The following ASTN2 variants were observed in gnomAD, a reference collection of about 807,000 sequenced individuals.
ASTN2 encodes astrotactin-2.
A neutral mutation model predicts 139.8 loss-of-function variants in ASTN2; 54 were observed. The observed-to-expected ratio is 0.39, with a 90% CI of 0.31 to 0.48. The LOEUF is 0.48. Among genes scored for constraint, ASTN2 ranks in the 20% least tolerant of loss-of-function variants. The pLI is 0.95. For missense variants in ASTN2, 1,565 were observed against 1,725.1 expected (o/e 0.91, Z 1.64); for synonymous variants, 756 against 719.5 (o/e 1.05, Z -0.81).
chr9:117,239,706 C>T (rs1334813210), intron 2 of ASTN2, among the ~76,000 whole-genome samples: 2 of 152,158 alleles, frequency 1.3e-5, no homozygotes, highest in Non-Finnish European at 2.9e-5. Context: ...AGTTAAACTT[C>T]CTGCTTAAAT....
intron 2 of ASTN2, among the ~76,000 whole-genome samples, chr9:117,276,025 C>T (rs754759323): frequency 6.6e-6 from 1 of 152,124 alleles, no homozygotes; most frequent in Non-Finnish European, 1.5e-5. Flanking sequence ...ACTGAAAACA[C>T]CTGCTTAATA....
intron 19 of ASTN2, among the ~76,000 whole-genome samples, chr9:116,549,627 T>C (rs1041764476): frequency 6.6e-6 from 1 of 152,182 alleles, no homozygotes; most frequent in South Asian, 2.1e-4. Context: ...CTGCAACCTT[T>C]ATGAAACGAT....
intron 10 of ASTN2, among the ~76,000 whole-genome samples, chr9:116,926,996 T>C (rs1158425137): frequency 6.6e-6 from 1 of 152,198 alleles, no homozygotes; most frequent in Admixed American, 6.5e-5. Context: ...CTGAGAACAA[T>C]GAATCGTGGT....
chr9:116,467,319 T>C (rs796664893), intron 20 of ASTN2, among the ~76,000 whole-genome samples: 6 of 152,104 alleles, frequency 3.9e-5, no homozygotes, highest in African/African-American at 1.4e-4. Context: ...CAGGCTGGAG[T>C]GCAGTGGTGC....
chr9:116,843,665 A>G (rs1832340100), intron 11 of ASTN2, among the ~76,000 whole-genome samples: 1 of 152,014 alleles, frequency 6.6e-6, no homozygotes, highest in South Asian at 2.1e-4. Flanking sequence ...GTCTCAAAAA[A>G]AAAAAAAAAA....
chr9:117,021,812 T>G (rs1346335678), intron 6 of ASTN2, among the ~76,000 whole-genome samples: 1 of 152,160 alleles, frequency 6.6e-6, no homozygotes, highest in Non-Finnish European at 1.5e-5. Flanking sequence ...ACTTTTAGTA[T>G]AAACGAGGTA....
At chr9:117,204,784 T>TA (rs1831859878) in intron 3 of ASTN2, among the ~76,000 whole-genome samples, 1 of 151,932 alleles carries the variant, frequency 6.6e-6, no homozygotes, top group East Asian at 1.9e-4. Flanking sequence ...AAAAAGAAAA[T>TA]AAAAGCATTT....
intron 20 of ASTN2, among the ~76,000 whole-genome samples, chr9:116,468,677 T>C (rs1337978723): frequency 6.6e-6 from 1 of 152,198 alleles, no homozygotes; most frequent in African/African-American, 2.4e-5. Flanking sequence ...GTGATCTTCC[T>C]AAAGAGCAAA....
At chr9:117,387,039 C>T (rs115255479) in intron 1 of ASTN2, among the ~76,000 whole-genome samples, 102 of 152,242 alleles carry the variant, frequency 6.7e-4, no homozygotes, top group African/African-American at 2.4e-3. Flanking sequence ...CAGTCTACAC[C>T]CTGTTGATCT....
chr9:117,044,798 G>T lies in ASTN2; in HGVS notation c.1277-4833C>A, dbSNP rs181208129. ...TGAGGCACACTGGTCTGGGCATGGGGAAAATAATACTAAACAAAACAGCGA... is the reference window on the plus strand; with the variant it reads ...TGAGGCACACTGGTCTGGGCATGGGTAAAATAATACTAAACAAAACAGCGA... On this transcript the variant is annotated intron_variant, in intron 5 of 22. Coordinates refer to ENST00000313400, the MANE Select transcript of ASTN2 (RefSeq NM_001365068.1). 9.4e-4 allele frequency among the ~76,000 whole-genome samples: 143 copies of T among 152,286 alleles called. 2 individuals are homozygous for T. The highest frequency in any genetic ancestry group is 9.3e-3 in the Admixed American group (143 of 15,296).
At chr9:117,018,536 A>C (rs1319476335) in intron 6 of ASTN2, among the ~76,000 whole-genome samples, 2 of 152,112 alleles carry the variant, frequency 1.3e-5, no homozygotes, top group Non-Finnish European at 2.9e-5. Flanking sequence ...TATGTTTGTA[A>C]GTGTTCCTTT....
chr9:116,719,193 G>A (rs912695437), intron 16 of ASTN2, among the ~76,000 whole-genome samples: 2 of 151,444 alleles, frequency 1.3e-5, no homozygotes, highest in Non-Finnish European at 1.5e-5. Context: ...GCAACAGTGA[G>A]GAAGAAAAAA....
intron 20 of ASTN2, among the ~76,000 whole-genome samples, chr9:116,446,079 G>T (rs990602364): frequency 5.9e-5 from 9 of 151,990 alleles, no homozygotes; most frequent in African/African-American, 2.2e-4. Context: ...AGAGAAAGTG[G>T]CAGTCCCTGA....
chr9:116,439,168 T>G (rs78041347), intron 22 of ASTN2, among the ~76,000 whole-genome samples: 1 of 150,678 alleles, frequency 6.6e-6, no homozygotes, highest in Non-Finnish European at 1.5e-5. Flanking sequence ...CTTTACAAGA[T>G]GATGTTGTGT....
intron 13 of ASTN2, among the ~76,000 whole-genome samples, chr9:116,766,432 T>G (rs1432585098): frequency 6.6e-6 from 1 of 151,330 alleles, no homozygotes; most frequent in Non-Finnish European, 1.5e-5. Context: ...ACATTCACAC[T>G]CACACATAAA....
intron 7 of ASTN2, among the ~76,000 whole-genome samples, chr9:116,980,043 A>T (rs1836463987): frequency 6.6e-6 from 1 of 152,176 alleles, no homozygotes; most frequent in South Asian, 2.1e-4. Context: ...TTCACCCTGG[A>T]GACCCCCATG....
rs141501450 is a variant in ASTN2 at position 117,211,062 on chromosome 9, C to T, written c.1015+3296G>A. 2.0e-3 allele frequency among the ~76,000 whole-genome samples: 299 copies of T among 149,732 alleles called. 2 individuals are homozygous for T. Among genetic ancestry groups the T allele is most frequent in the Non-Finnish European group, 2.9e-3 (195 of 67,560 alleles). On this transcript the variant is annotated intron_variant, in intron 3 of 22. Transcript: ENST00000313400. Reference sequence around the variant, plus strand: ...ATAAATTAGTCACAGAAAGAAAATACCTCAACATAATAAAGGCCATATATG... The same window carrying T: ...ATAAATTAGTCACAGAAAGAAAATATCTCAACATAATAAAGGCCATATATG...
At chr9:117,413,670 A>G (rs1831236891) in intron 1 of ASTN2, among the ~76,000 whole-genome samples, 1 of 152,084 alleles carries the variant, frequency 6.6e-6, no homozygotes, top group African/African-American at 2.4e-5. Context: ...AACTTTTCTG[A>G]TTAACTTTTC....
intron 10 of ASTN2, among the ~76,000 whole-genome samples, chr9:116,873,832 T>A (rs561769211): frequency 2.6e-5 from 4 of 152,326 alleles, no homozygotes; most frequent in Non-Finnish European, 4.4e-5. Context: ...GCTCCTTCAC[T>A]GTCTTCCTGC....
Sources: allele counts gnomAD v4.1 joint callset (sites outside exome capture counted in the v4.1 genomes callset), GRCh38; gene constraint gnomAD v4.1.1; transcripts MANE v1.5; gene names NCBI Gene and HGNC (gene_info 2026-07-23, HGNC 2026-07-21).